HGF: variants seen among roughly 807,000 people sequenced by gnomAD.
HGF encodes the protein hepatocyte growth factor, also known as fibroblast-derived tumor cytotoxic factor.
HGF carries 39 observed loss-of-function variants against 111.6 expected under a neutral mutation model. That is an observed-to-expected ratio of 0.35 (90% confidence interval 0.27 to 0.46). The LOEUF (loss-of-function observed/expected upper bound fraction) is 0.46. Among genes scored for constraint, HGF ranks in the 20% least tolerant of loss-of-function variants. HGF has a pLI of 1.00. For synonymous variants in HGF, 285 were observed against 294.8 expected, an observed-to-expected ratio of 0.97 and a Z score of 0.34; for missense variants, 735 against 910.5, an observed-to-expected ratio of 0.81 and a Z score of 2.48.
intron 10 of HGF, among the ~76,000 whole-genome samples, chr7:81,720,066 AT>A (rs1406449044): frequency 1.2e-4 from 19 of 152,174 alleles, no homozygotes; most frequent in Admixed American, 1.2e-3. Context: ...TTCTTTTGCA[AT>A]TTTGTAAACA....
rs1789399331 is a variant in HGF, at chr7:81,705,526, T to C, written c.1874A>G (p.Tyr625Cys). Residue 625 changes from tyrosine (Y) to cysteine (C), a missense_variant, in exon 17 of 18, where the codon TAT becomes TGT. Transcript: ENST00000222390. Reference protein sequence around the residue: ...YGWGYTGLINYDGLLRVAHLY... With the variant: ...YGWGYTGLINCDGLLRVAHLY... ...ATGTGCCACTCGTAATAGGCCATCA[T>C]AGTTGATCACTAGATTGATGCAAAA... The C allele has an allele frequency of 6.2e-7, 1 of 1,612,494 alleles. No homozygotes were observed. Among genetic ancestry groups the C allele is most frequent in the South Asian group, 1.1e-5 (1 of 91,064 alleles).
At chr7:81,748,333 A>C (rs1788359312) in intron 5 of HGF, among the ~76,000 whole-genome samples, 1 of 152,180 alleles carries the variant, frequency 6.6e-6, no homozygotes, top group African/African-American at 2.4e-5. Context: ...TTGCAGGGAA[A>C]GTGCATGGGA....
chr7:81,728,280 A>G (rs1003243793), intron 8 of HGF, among the ~76,000 whole-genome samples: 2 of 152,216 alleles, frequency 1.3e-5, no homozygotes, highest in East Asian at 3.8e-4. Context: ...AAATTCTACC[A>G]AGATATAACA....
chr7:81,749,117 G>A (rs975760393), intron 5 of HGF, among the ~76,000 whole-genome samples: 5 of 152,130 alleles, frequency 3.3e-5, no homozygotes, highest in Admixed American at 3.3e-4. Context: ...TAAATTATGA[G>A]TTGCCATTTA....
At chr7:81,743,294 G>T in intron 7 of HGF, 59 bp downstream of exon 7, 3 of 949,268 alleles carry the variant, frequency 3.2e-6, no homozygotes, top group Admixed American at 3.4e-5. Context: ...ACTAATAATC[G>T]CCTGCTTAGA....
chr7:81,712,616 T>TA (rs1428343072), intron 11 of HGF, among the ~76,000 whole-genome samples: 1 of 152,220 alleles, frequency 6.6e-6, no homozygotes, highest in Non-Finnish European at 1.5e-5. Context: ...GAAATACTTA[T>TA]GCTGTAATGA....
At chr7:81,714,148 G>A (rs17426564) in intron 11 of HGF, among the ~76,000 whole-genome samples, 6,226 of 151,998 alleles carry the variant, frequency 0.041, 181 homozygotes, top group Non-Finnish European at 0.064. Flanking sequence ...TCTCCATGAA[G>A]AAATCGATGT....
chr7:81,755,619 G>A (rs911594162), intron 4 of HGF: 2 of 180,296 alleles, frequency 1.1e-5, no homozygotes, highest in Non-Finnish European at 2.3e-5. Context: ...CTGGACTAGG[G>A]TAGGATTGAT....
intron 9 of HGF, among the ~76,000 whole-genome samples, chr7:81,725,343 A>G (rs1465875878): frequency 6.6e-6 from 1 of 152,102 alleles, no homozygotes; most frequent in Non-Finnish European, 1.5e-5. Context: ...GAACTCCCTC[A>G]TCTCACACCA....
chr7:81,769,771 G>A (rs1208625729), intron 1 of HGF, 113 bp downstream of exon 1: 2 of 799,334 alleles, frequency 2.5e-6, no homozygotes, highest in African/African-American at 1.7e-5. Flanking sequence ...TACATACTGA[G>A]TTCAGAAAGG....
chr7:81,767,177 C>A (rs938305663), intron 1 of HGF, among the ~76,000 whole-genome samples: 18 of 152,040 alleles, frequency 1.2e-4, no homozygotes, highest in African/African-American at 3.6e-4. Context: ...GAACTCTCAA[C>A]CATAGTACAA....
chr7:81,751,141 T>C (rs1316826331), intron 5 of HGF: 16 of 898,612 alleles, frequency 1.8e-5, no homozygotes, highest in Non-Finnish European at 2.1e-5. Flanking sequence ...TAAATGAATA[T>C]TTATGGAGGA....
At position 81,752,169 on chromosome 7, in the gene HGF, G is replaced by A. The variant is rs1213509732; in HGVS notation, c.576C>T (p.Ser192=). 14 of 1,613,446 alleles carry A rather than the reference G, an allele frequency of 8.7e-6. No individual in the cohort carries two copies. The highest frequency in any genetic ancestry group is 1.3e-5 in the African/African-American group (1 of 74,876). Residue 192 remains serine (S), a synonymous_variant, in exon 5 of 18, where the codon AGC becomes AGT. Coordinates refer to ENST00000222390, the MANE Select transcript of HGF (RefSeq NM_000601.6). The stretch of plus-strand genomic sequence containing the variant: ...AGACTTCGTAGCGTACCTCTGGATT[G>A]CTTGTGAAACACCAGGGTCCCCCTT... ...GEEGGPWCFT[S]NPEVRYEVCD... is the part of the protein sequence containing the mutation.
At chr7:81,716,089 A>G (rs1789705260) in intron 11 of HGF, among the ~76,000 whole-genome samples, 1 of 152,142 alleles carries the variant, frequency 6.6e-6, no homozygotes, top group African/African-American at 2.4e-5. Context: ...CCATCTCAAT[A>G]CGTATTACTA....
intron 12 of HGF, 98 bp downstream of exon 12, chr7:81,711,383 G>T: frequency 1.8e-6 from 1 of 566,518 alleles, no homozygotes; most frequent in Non-Finnish European, 3.0e-6. Flanking sequence ...TTTTATAATG[G>T]AAGCTAATAT....
intron 10 of HGF, among the ~76,000 whole-genome samples, chr7:81,718,729 C>T (rs1789778510): frequency 6.6e-6 from 1 of 152,072 alleles, no homozygotes; most frequent in Admixed American, 6.6e-5. Flanking sequence ...ATGAGGAATC[C>T]TCGTCTGAAG....
At chr7:81,714,585 T>A (rs975749995) in intron 11 of HGF, among the ~76,000 whole-genome samples, 7 of 152,170 alleles carry the variant, frequency 4.6e-5, no homozygotes, top group Admixed American at 2.6e-4. Flanking sequence ...TTAAGATTTT[T>A]CTAAAATAGT....
intron 8 of HGF, among the ~76,000 whole-genome samples, chr7:81,727,994 C>T (rs5745699): frequency 6.6e-6 from 1 of 152,078 alleles, no homozygotes; most frequent in Non-Finnish European, 1.5e-5. Flanking sequence ...TCATCACAGG[C>T]AGTGTTGTTC....
rs184024895 is a variant in HGF at position 81,761,224 on chromosome 7, T to C, written c.254+1483A>G. On this transcript the variant is annotated intron_variant, in intron 2 of 17. Transcript: ENST00000222390. ...ATTTCTAACAATAGCAAGGCTTTTA[T>C]AGGAAAGTCAGGGAATAAAACAGAA... is the stretch of plus-strand genomic sequence containing the variant. Among the ~76,000 whole-genome samples the C allele has an allele frequency of 2.6e-5, 4 of 152,304 alleles. No individual in the cohort carries two copies. The East Asian group carries it at 7.7e-4, about 29-fold the overall frequency.
Sources: gnomAD v4.1 joint callset for allele counts (sites outside exome capture counted in the v4.1 genomes callset) on GRCh38, gnomAD v4.1.1 for gene constraint, MANE v1.5 for transcripts, NCBI Gene and HGNC (gene_info 2026-07-23, HGNC 2026-07-21) for gene names.